Variants in FHIT observed in about 807,000 individuals in gnomAD.
FHIT encodes bis(5'-adenosyl)-triphosphatase.
A neutral mutation model predicts 17.9 loss-of-function variants in FHIT; 19 were observed. That is an observed-to-expected ratio of 1.06 (90% CI 0.74 to 1.56). The LOEUF (loss-of-function observed/expected upper bound fraction) is 1.56. FHIT is among the 40% of genes most tolerant of loss of function. The probability of loss-of-function intolerance (pLI) is 0.00; values close to 1 mark genes in which losing one functional copy is unlikely to be tolerated. For missense variants in FHIT, 248 were observed against 189.2 expected, an observed-to-expected ratio of 1.31 and a Z score of -1.82; for synonymous variants, 81 against 69.7, an observed-to-expected ratio of 1.16 and a Z score of -0.81.
chr3:60,048,572 C>G (rs985874925), intron 5 of FHIT, among the ~76,000 whole-genome samples: 1 of 152,178 alleles, frequency 6.6e-6, no homozygotes, highest in African/African-American at 2.4e-5. Context: ...GAAACCACAA[C>G]GCACCCCATA....
chr3:60,639,523 G>C (rs1222341546), intron 4 of FHIT, among the ~76,000 whole-genome samples: 2 of 152,108 alleles, frequency 1.3e-5, no homozygotes, highest in Non-Finnish European at 2.9e-5. Context: ...AATTTCATTT[G>C]AGAAACTCAA....
chr3:60,689,387 A>G (rs1175379152), intron 4 of FHIT, among the ~76,000 whole-genome samples: 1 of 152,208 alleles, frequency 6.6e-6, no homozygotes, highest in Non-Finnish European at 1.5e-5. Flanking sequence ...TTCCCTAAAC[A>G]ATACAACTAT....
At chr3:61,227,638 G>T (rs949054608) in intron 1 of FHIT, among the ~76,000 whole-genome samples, 1 of 152,084 alleles carries the variant, frequency 6.6e-6, no homozygotes, top group African/African-American at 2.4e-5. Context: ...GAAGAAAAAG[G>T]TTCTTTTTCT....
chr3:61,127,863 C>T (rs1484743770), intron 2 of FHIT, among the ~76,000 whole-genome samples: 3 of 151,744 alleles, frequency 2.0e-5, no homozygotes, highest in African/African-American at 7.3e-5. Flanking sequence ...GAGCAAGACT[C>T]TGTCTGAAAA....
At chr3:61,186,024 T>C (rs1415385539) in intron 2 of FHIT, among the ~76,000 whole-genome samples, 2 of 152,226 alleles carry the variant, frequency 1.3e-5, no homozygotes, top group African/African-American at 4.8e-5. Context: ...TAAAACAATA[T>C]AATTAACCTG....
intron 5 of FHIT, among the ~76,000 whole-genome samples, chr3:60,099,509 G>T (rs1325244844): frequency 6.6e-6 from 1 of 152,068 alleles, no homozygotes; most frequent in East Asian, 1.9e-4. Context: ...CTGTTAACCT[G>T]TACCCTCTAT....
At chr3:60,416,612 C>T (rs940358671) in intron 5 of FHIT, among the ~76,000 whole-genome samples, 16 of 152,158 alleles carry the variant, frequency 1.1e-4, no homozygotes, top group African/African-American at 3.1e-4. Context: ...ATATTCATAT[C>T]GTGATTTTTT....
intron 7 of FHIT, among the ~76,000 whole-genome samples, chr3:59,929,772 T>C (rs765750160): frequency 3.3e-5 from 5 of 151,584 alleles, no homozygotes; most frequent in Non-Finnish European, 7.4e-5. Context: ...GAAAAACACA[T>C]AGGAGAAAAT....
At chr3:60,484,387 G>C (rs867617760) in intron 5 of FHIT, among the ~76,000 whole-genome samples, 1 of 152,164 alleles carries the variant, frequency 6.6e-6, no homozygotes, top group Non-Finnish European at 1.5e-5. Context: ...AAAGAATAAA[G>C]CTGGAGGTAT....
intron 5 of FHIT, among the ~76,000 whole-genome samples, chr3:60,469,921 G>A (rs1288268569): frequency 3.9e-5 from 6 of 152,082 alleles, no homozygotes; most frequent in Admixed American, 1.3e-4. Context: ...AGATACCACC[G>A]TGGTGGTCTT....
intron 4 of FHIT, among the ~76,000 whole-genome samples, chr3:60,568,633 A>G (rs2037228569): frequency 6.6e-6 from 1 of 151,992 alleles, no homozygotes; most frequent in Admixed American, 6.6e-5. Context: ...AGAAAAGAAA[A>G]CTTCTAGACT....
chr3:60,492,010 C>G (rs2034087652), intron 5 of FHIT, among the ~76,000 whole-genome samples: 1 of 152,172 alleles, frequency 6.6e-6, no homozygotes, highest in South Asian at 2.1e-4. Context: ...CAATCTCGCT[C>G]AGAGCTATTA....
intron 5 of FHIT, among the ~76,000 whole-genome samples, chr3:60,072,671 C>T (rs966261236): frequency 5.9e-5 from 9 of 152,096 alleles, no homozygotes; most frequent in South Asian, 2.1e-4. Context: ...GGTAAGTGGA[C>T]GATCAAAGAT....
intron 4 of FHIT, among the ~76,000 whole-genome samples, chr3:60,706,020 T>C (rs184037104): frequency 1.7e-3 from 262 of 152,318 alleles, no homozygotes; most frequent in African/African-American, 6.1e-3. Flanking sequence ...AATAGCTATT[T>C]TCCATGACTC....
intron 4 of FHIT, among the ~76,000 whole-genome samples, chr3:60,568,391 G>T (rs566258091): frequency 6.6e-6 from 1 of 152,088 alleles, no homozygotes; most frequent in South Asian, 2.1e-4. Context: ...CTCACTCATA[G>T]GTGGGAATTG....
chr3:60,952,787 G>T (rs1708948952), intron 3 of FHIT, among the ~76,000 whole-genome samples: 1 of 152,166 alleles, frequency 6.6e-6, no homozygotes, highest in African/African-American at 2.4e-5. Context: ...TGTACAAACA[G>T]ATCTTGTTAA....
chr3:60,401,789 A>T (rs1170900783), intron 5 of FHIT, among the ~76,000 whole-genome samples: 1 of 152,214 alleles, frequency 6.6e-6, no homozygotes, highest in Non-Finnish European at 1.5e-5. Context: ...GACAGAAAAG[A>T]TAAAAGGAAA....
chr3:60,110,150 AC>A (rs757787471), intron 5 of FHIT, among the ~76,000 whole-genome samples: 4 of 152,194 alleles, frequency 2.6e-5, no homozygotes, highest in Non-Finnish European at 4.4e-5. Context: ...ATATGAGGAC[AC>A]GGGGGGTTGG....
intron 7 of FHIT, among the ~76,000 whole-genome samples, chr3:60,007,613 G>A (rs1260299726): frequency 4.6e-5 from 7 of 152,116 alleles, no homozygotes; most frequent in Non-Finnish European, 8.8e-5. Context: ...ACAGATTAAC[G>A]AGAGGAAAGC....
Sources: allele counts gnomAD v4.1 joint callset (sites outside exome capture counted in the v4.1 genomes callset), GRCh38; gene constraint gnomAD v4.1.1; transcripts MANE v1.5; gene names NCBI Gene and HGNC (gene_info 2026-07-23, HGNC 2026-07-21).